TMEM45B: variants seen among roughly 807,000 people sequenced by gnomAD.
TMEM45B encodes the protein transmembrane protein 45B.
Under a neutral mutation model 27.3 loss-of-function variants are expected in TMEM45B, and 29 were observed. That is an observed-to-expected ratio of 1.06 (90% CI 0.79 to 1.45). The LOEUF (loss-of-function observed/expected upper bound fraction) is 1.45. Ranked by LOEUF, TMEM45B falls within the 40% of genes most tolerant of loss-of-function variation. The pLI is 0.00. For synonymous variants in TMEM45B, 143 were observed against 134.7 expected (o/e 1.06, Z -0.43); for missense variants, 348 against 343.9 (o/e 1.01, Z -0.09).
chr11:129,853,101 G>T, intron 2 of TMEM45B: 1 of 153,796 alleles, frequency 6.5e-6, no homozygotes, highest in South Asian at 2.0e-4. Context: ...TCATCCTCAA[G>T]TCTCAAGCGC....
chr11:129,854,476 G>A lies in TMEM45B; in HGVS notation c.179-134G>A, dbSNP rs188457264. The A allele has an allele frequency of 1.8e-4, 136 of 772,226 alleles. No individual in the cohort carries two copies. In the African/African-American group the frequency reaches 2.2e-3, roughly 12 times the overall value. 47.8% of individuals were successfully genotyped at this position (772,226 alleles called of 1,614,324 possible). A position where few individuals can be genotyped will look rare whatever the true frequency, so the allele number is the denominator to read the frequency against. ...AAGCAGCTGCACCTGAGGCAGCAAA[G>A]TAGCTCTGCTGACCCGCGGGCCACC... On this transcript the variant is annotated intron_variant, in intron 2 of 5. Transcript: ENST00000281441.
chr11:129,854,774 G>C lies in TMEM45B; in HGVS notation c.343G>C (p.Gly115Arg), dbSNP rs756422566. 6.2e-6 allele frequency: 10 copies of C among 1,614,056 alleles called. No homozygotes were observed. In the Admixed American group the frequency reaches 8.3e-5, roughly 13 times the overall value. The change falls in exon 3 of 6, where the codon GGG becomes CGG. Residue 115 changes from glycine (G) to arginine (R), a missense_variant. Physicochemically the swap from Gly to Arg is moderately radical, Grantham distance 125. Transcript: ENST00000281441. ...CTATCTGGTCAGCCACGTTCCCTTG[G>C]GGGTGGACAGACTGGTTATGGCTGT... ...LTYLVSHVPL[G>R]VDRLVMAVAV... is the part of the protein sequence containing the mutation.
At chr11:129,841,734 T>A (rs1366432620) in intron 1 of TMEM45B, among the ~76,000 whole-genome samples, 6 of 151,786 alleles carry the variant, frequency 4.0e-5, no homozygotes, top group Non-Finnish European at 8.8e-5. Context: ...GTTGCTGAGA[T>A]TACAGGCACC....
At chr11:129,841,592 G>GTTTTTTT (rs567723417) in intron 1 of TMEM45B, among the ~76,000 whole-genome samples, 4 of 124,596 alleles carry the variant, frequency 3.2e-5, no homozygotes, top group Non-Finnish European at 6.5e-5. Flanking sequence ...TTGTTTTTTT[G>GTTTTTTT]TTTTTTTTTT....
chr11:129,840,616 C>T (rs1299593343), intron 1 of TMEM45B, among the ~76,000 whole-genome samples: 2 of 152,124 alleles, frequency 1.3e-5, no homozygotes, highest in African/African-American at 4.8e-5. Flanking sequence ...GGCACAGTGG[C>T]TCACGTCTGT....
At chr11:129,855,679 CCT>C (rs1947911751) in intron 3 of TMEM45B, 27 bp from the exon 4 acceptor site, 2 of 1,612,894 alleles carry the variant, frequency 1.2e-6, no homozygotes, top group Non-Finnish European at 8.5e-7. Flanking sequence ...CAAGCGTAGC[CCT>C]GACAGCTGCC....
rs185917762 is a variant in TMEM45B, at chr11:129,849,292, T to C, written c.-8-3183T>C. On this transcript the variant is annotated intron_variant, in intron 1 of 5. Transcript: ENST00000281441. Reference sequence around the variant, plus strand: ...AATGGCGTGACAGGCACAGGACAGATGTTTCTAGTCCAAAAGGGAGAAACA... The same window carrying C: ...AATGGCGTGACAGGCACAGGACAGACGTTTCTAGTCCAAAAGGGAGAAACA... 1.6e-3 allele frequency among the ~76,000 whole-genome samples: 244 copies of C among 152,344 alleles called. 1 individual carries two copies. Among genetic ancestry groups the C allele is most frequent in the African/African-American group, 5.7e-3 (239 of 41,592 alleles).
intron 1 of TMEM45B, among the ~76,000 whole-genome samples, chr11:129,843,576 G>A (rs375868264): frequency 3.2e-4 from 47 of 147,636 alleles, no homozygotes; most frequent in Non-Finnish European, 4.9e-4. Context: ...TGTAGTCAAA[G>A]AATGTAGGCA....
At chr11:129,832,155 G>A (rs1303117781) in intron 1 of TMEM45B, among the ~76,000 whole-genome samples, 1 of 151,178 alleles carries the variant, frequency 6.6e-6, no homozygotes, top group Non-Finnish European at 1.5e-5. Context: ...TGGATCATGA[G>A]GTCAGGATAT....
At chr11:129,844,372 AGGAG>A (rs1339374991) in intron 1 of TMEM45B, among the ~76,000 whole-genome samples, 5 of 152,196 alleles carry the variant, frequency 3.3e-5, no homozygotes, top group Non-Finnish European at 5.9e-5. Flanking sequence ...CCTAATGTAC[AGGAG>A]GGTGACTATC....
intron 4 of TMEM45B, among the ~76,000 whole-genome samples, chr11:129,856,386 G>C (rs113877180): frequency 6.7e-6 from 1 of 148,498 alleles, no homozygotes; most frequent in African/African-American, 2.5e-5. Flanking sequence ...TAATTTTTTT[G>C]TATTTTTAGA....
At chr11:129,841,579 C>G (rs968467447) in intron 1 of TMEM45B, among the ~76,000 whole-genome samples, 1 of 134,868 alleles carries the variant, frequency 7.4e-6, no homozygotes, top group African/African-American at 2.7e-5. Flanking sequence ...TTGAAGTTTT[C>G]TTTTGTTTTT....
Position 129,815,905 on chromosome 11 carries a change from C to T in TMEM45B, c.-9+7C>T, listed in dbSNP as rs1947344217. 1 of 1,276,682 alleles carries T rather than the reference C, an allele frequency of 7.8e-7. No individual in the cohort carries two copies. Among genetic ancestry groups the T allele is most frequent in the African/African-American group, 1.5e-5 (1 of 64,644 alleles). 79.1% of individuals were successfully genotyped at this position (1,276,682 alleles called of 1,614,324 possible). On this transcript the variant is annotated splice_region_variant and intron_variant, in intron 1 of 5. Coordinates refer to ENST00000281441, the MANE Select transcript of TMEM45B (RefSeq NM_138788.5). ...TGCGAGGCGCTGGGCACAGGTCAGA[C>T]GTCCGTACCCGCAGGGGGCTCGAAC...
chr11:129,815,991 A>G lies in TMEM45B; in HGVS notation c.-9+93A>G, dbSNP rs1278200135. On this transcript the variant is annotated intron_variant, in intron 1 of 5. Transcript: ENST00000281441. Reference sequence around the variant, plus strand: ...AAGGAGCGGGGCTGTGATGGAGAGGAGGTTCCGACTCGCAGGGGACCTGCG... The same window carrying G: ...AAGGAGCGGGGCTGTGATGGAGAGGGGGTTCCGACTCGCAGGGGACCTGCG... 3 of 1,241,410 alleles carry G rather than the reference A, an allele frequency of 2.4e-6. No individual in the cohort carries two copies. The East Asian group carries it at 9.5e-5, about 39-fold the overall frequency. 76.9% of individuals were successfully genotyped at this position (1,241,410 alleles called of 1,614,324 possible). A position where few individuals can be genotyped will look rare whatever the true frequency, so the allele number is the denominator to read the frequency against.
intron 5 of TMEM45B, 91 bp downstream of exon 5, chr11:129,857,549 G>C: frequency 3.4e-6 from 5 of 1,463,548 alleles, no homozygotes; most frequent in Non-Finnish European, 4.7e-6. Flanking sequence ...GCCGACTACA[G>C]GCCAAATTCT....
chr11:129,835,770 G>A (rs1223945153), intron 1 of TMEM45B, among the ~76,000 whole-genome samples: 1 of 152,190 alleles, frequency 6.6e-6, no homozygotes, highest in East Asian at 1.9e-4. Flanking sequence ...GGAAGGCAGG[G>A]CCACCCTGTG....
intron 2 of TMEM45B, among the ~76,000 whole-genome samples, chr11:129,853,360 A>G (rs915205024): frequency 6.6e-6 from 1 of 152,234 alleles, no homozygotes; most frequent in East Asian, 1.9e-4. Flanking sequence ...GCAACTGACA[A>G]TTACCACTTG....
intron 1 of TMEM45B, among the ~76,000 whole-genome samples, chr11:129,821,620 C>T (rs1314133823): frequency 1.3e-5 from 2 of 152,146 alleles, no homozygotes; most frequent in Non-Finnish European, 2.9e-5. Flanking sequence ...TCTTCCTTCA[C>T]ACTTGCTTGC....
intron 1 of TMEM45B, among the ~76,000 whole-genome samples, chr11:129,837,290 C>CT (rs1000400474): frequency 2.6e-5 from 4 of 151,032 alleles, no homozygotes; most frequent in East Asian, 2.0e-4. Context: ...TCTTTTTTTT[C>CT]TTTTTTTTGT....
Sources: allele counts gnomAD v4.1 joint callset (sites outside exome capture counted in the v4.1 genomes callset), GRCh38; gene constraint gnomAD v4.1.1; transcripts MANE v1.5; gene names NCBI Gene and HGNC (gene_info 2026-07-23, HGNC 2026-07-21).